Variants in STKLD1 observed in about 807,000 individuals in gnomAD.
STKLD1 encodes the protein serine/threonine kinase-like domain-containing protein STKLD1.
Under a neutral mutation model 80.4 loss-of-function variants are expected in STKLD1, and 79 were observed. The ratio of observed to expected loss-of-function variants is 0.98; its 90% confidence interval spans 0.82 to 1.19. The LOEUF (loss-of-function observed/expected upper bound fraction) is 1.19. STKLD1 is among the 50% of genes most tolerant of loss of function. The probability of loss-of-function intolerance (pLI) is 0.00; values close to 1 mark genes in which losing one functional copy is unlikely to be tolerated. For synonymous variants in STKLD1, 393 were observed against 357.6 expected, an observed-to-expected ratio of 1.10 and a Z score of -1.12; for missense variants, 841 against 856.0, an observed-to-expected ratio of 0.98 and a Z score of 0.22.
chr9:133,379,177 C>T, intron 2 of STKLD1, 55 bp downstream of exon 2: 1 of 1,463,142 alleles, frequency 6.8e-7, no homozygotes, highest in Non-Finnish European at 9.5e-7. Context: ...CTGTGATTTT[C>T]CCCAATACAA....
Position 133,405,641 on chromosome 9 carries a change from C to T in STKLD1, c.*220C>T, listed in dbSNP as rs1838839904. The stretch of plus-strand genomic sequence containing the variant: ...CTGTCCACGAAAACTGACTTGCCTG[C>T]TTCCTCCTTCCAGGAACTGGTTTCT... On this transcript the variant is annotated 3_prime_UTR_variant, in exon 18 of 18. Coordinates refer to ENST00000371957, the MANE Select transcript of STKLD1 (RefSeq NM_153710.5). 4.5e-6 allele frequency: 2 copies of T among 443,658 alleles called. No individual in the cohort carries two copies. The highest frequency in any genetic ancestry group is 7.8e-6 in the Non-Finnish European group (2 of 255,342). The allele number at this position is 443,658 out of a possible 1,614,324, so 27.5% of individuals were successfully genotyped here.
chr9:133,392,387 A>G (rs1419846737), intron 7 of STKLD1, among the ~76,000 whole-genome samples: 2 of 152,094 alleles, frequency 1.3e-5, no homozygotes, highest in Non-Finnish European at 2.9e-5. Flanking sequence ...CTTGGTAGAC[A>G]GAAGATGAAT....
In STKLD1 at chr9:133,395,672, A is replaced by G. The variant is rs782286254; in HGVS notation, c.775A>G (p.Met259Val). ...PGSLKAVLKT[M>V]EEKQIPDVET... Reference sequence around the variant, plus strand: ...CAGCCTGAAGGCCGTCCTGAAGACAATGGAGGAGAAGCAGATCCCGGATGT... The same window carrying G: ...CAGCCTGAAGGCCGTCCTGAAGACAGTGGAGGAGAAGCAGATCCCGGATGT... The change falls in exon 9 of 18, where the codon ATG (methionine) becomes GTG (valine). Residue 259 changes from methionine (M) to valine (V), a missense_variant. Met to Val is a conservative substitution (Grantham distance 21, BLOSUM62 1). Transcript: ENST00000371957. 10 of 1,613,424 alleles carry G rather than the reference A, an allele frequency of 6.2e-6. No homozygotes were observed. The highest frequency in any genetic ancestry group is 1.7e-5 in the Admixed American group (1 of 60,024).
At position 133,394,907 on chromosome 9, in the gene STKLD1, G is replaced by A. The variant is rs940636630; in HGVS notation, c.702+498G>A. ...CCTGCACCATGGCCACAGCCTGTGG[G>A]CAGGAAGGAGGGGAGGCAGAGGGCC... On this transcript the variant is annotated intron_variant, in intron 8 of 17. Transcript: ENST00000371957. This position sits in a 1 kb window ranked among gnomAD's most constrained non-coding sequence, Gnocchi z 4.9. 3.8e-5 allele frequency: 6 copies of A among 158,810 alleles called. No individual in the cohort carries two copies. The East Asian group carries it at 9.1e-4, about 24-fold the overall frequency. 9.8% of individuals were successfully genotyped at this position (158,810 alleles called of 1,614,324 possible). A position where few individuals can be genotyped will look rare whatever the true frequency, so the allele number is the denominator to read the frequency against.
Position 133,387,442 on chromosome 9 carries a change from A to G in STKLD1, c.295-5A>G. On this transcript the variant is annotated splice_region_variant and splice_polypyrimidine_tract_variant and intron_variant, in intron 4 of 17. Transcript: ENST00000371957. ...CCTTTGGCTAAGGGCCTCCTGTCCC[A>G]GCAGATCTCTTCTCTGTACCTCTGC... 2 of 1,612,998 alleles carry G rather than the reference A, an allele frequency of 1.2e-6. No homozygotes were observed. Among genetic ancestry groups the G allele is most frequent in the Non-Finnish European group, 1.7e-6 (2 of 1,179,150 alleles).
chr9:133,381,575 G>A (rs2130266625), intron 2 of STKLD1, among the ~76,000 whole-genome samples: 2 of 149,814 alleles, frequency 1.3e-5, no homozygotes, highest in Non-Finnish European at 3.0e-5. Context: ...CTCAGCCTCC[G>A]AAGTAGCTGG....
rs1554777412 is a variant in STKLD1 at position 133,400,437 on chromosome 9, T to C, written c.1106T>C (p.Val369Ala). Reference sequence around the variant, plus strand: ...GGTCTGCCGTGGCCCCCGGAGCTGGTGGAGGTGGTGGTCACGACCATGGAG... The same window carrying C: ...GGTCTGCCGTGGCCCCCGGAGCTGGCGGAGGTGGTGGTCACGACCATGGAG... ...QLGLPWPPEL[V>A]EVVVTTMELH... Residue 369 changes from valine to alanine, a missense_variant, in exon 12 of 18, where the codon GTG (valine) becomes GCG (alanine). By Grantham distance (64) the Val-to-Ala change is moderately conservative. Transcript: ENST00000371957. 1.2e-6 allele frequency: 2 copies of C among 1,612,970 alleles called. No homozygotes were observed. Among genetic ancestry groups the C allele is most frequent in the East Asian group, 2.2e-5 (1 of 44,872 alleles).
chr9:133,382,824 T>TTGATGGTTTGATGGTGG (rs1838171165), intron 2 of STKLD1, among the ~76,000 whole-genome samples: 1 of 128,686 alleles, frequency 7.8e-6, no homozygotes, highest in Non-Finnish European at 1.7e-5. Flanking sequence ...GACAGTGGCA[T>TTGATGGTTTGATGGTGG]TGATGGTTTG....
In STKLD1 at chr9:133,376,484, C is replaced by T. The variant is rs961919074; in HGVS notation, c.11C>T (p.Pro4Leu). The T allele has an allele frequency of 8.2e-6, 13 of 1,592,478 alleles. No individual in the cohort carries two copies. Among genetic ancestry groups the T allele is most frequent in the African/African-American group, 8.1e-5 (6 of 74,406 alleles). Residue 4 changes from proline (P) to leucine (L), a missense_variant, in exon 1 of 18, where the codon CCA becomes CTA. Coordinates refer to ENST00000371957, the MANE Select transcript of STKLD1 (RefSeq NM_153710.5). MLG[P>L]GSNRRRPTQG... ...CGGTCGCTACTGATCATGCTTGGGCCAGGGTCCAATCGCAGGCGCCCCACG... is the reference window on the plus strand; with the variant it reads ...CGGTCGCTACTGATCATGCTTGGGCTAGGGTCCAATCGCAGGCGCCCCACG...
At chr9:133,402,132 G>A (rs1318197962) in intron 13 of STKLD1, among the ~76,000 whole-genome samples, 3 of 152,184 alleles carry the variant, frequency 2.0e-5, no homozygotes, top group Non-Finnish European at 4.4e-5. Flanking sequence ...GCAGCTGTGG[G>A]CTTCACACCA....
At chr9:133,395,312 A>G (rs1838530979) in intron 8 of STKLD1, among the ~76,000 whole-genome samples, 1 of 152,008 alleles carries the variant, frequency 6.6e-6, no homozygotes, top group Non-Finnish European at 1.5e-5. Context: ...GCATGCTCAC[A>G]CTCTGTGAAA....
chr9:133,400,811 CAG>C (rs1211077353), intron 12 of STKLD1, among the ~76,000 whole-genome samples: 1 of 152,202 alleles, frequency 6.6e-6, no homozygotes, highest in Non-Finnish European at 1.5e-5. Flanking sequence ...TCCTGGATGG[CAG>C]AGAGGGCACA....
Position 133,405,533 on chromosome 9 carries a change from G to C in STKLD1, c.*112G>C. ...GGGCCAAAATCAATCTTAAACGGGA[G>C]GGGTAATCAGACCTCTCCAAAGAGT... On this transcript the variant is annotated 3_prime_UTR_variant, in exon 18 of 18. Transcript: ENST00000371957. The C allele has an allele frequency of 9.0e-7, 1 of 1,116,072 alleles. No individual in the cohort carries two copies. The highest frequency in any genetic ancestry group is 1.2e-6 in the Non-Finnish European group (1 of 809,550). 69.1% of individuals were successfully genotyped at this position (1,116,072 alleles called of 1,614,324 possible). A position where few individuals can be genotyped will look rare whatever the true frequency, so the allele number is the denominator to read the frequency against.
Position 133,394,734 on chromosome 9 carries a change from C to G in STKLD1, c.702+325C>G. The G allele has an allele frequency of 3.0e-6, 1 of 335,010 alleles. No individual in the cohort carries two copies. The highest frequency in any genetic ancestry group is 5.6e-6 in the Non-Finnish European group (1 of 177,472). 20.8% of individuals were successfully genotyped at this position (335,010 alleles called of 1,614,324 possible). On this transcript the variant is annotated intron_variant, in intron 8 of 17. Transcript: ENST00000371957. The surrounding 1 kb of genome is among the most constrained non-coding windows in gnomAD (Gnocchi z 4.9). The stretch of plus-strand genomic sequence containing the variant: ...TCAGGTGCCCTTGTGAGCATGAAGG[C>G]TGCACGGAGTTGCAAGCAACGGGAA...
chr9:133,395,065 C>G (rs1357827699), intron 8 of STKLD1, among the ~76,000 whole-genome samples: 1 of 152,164 alleles, frequency 6.6e-6, no homozygotes, highest in Non-Finnish European at 1.5e-5. Context: ...CAAGGAAGCT[C>G]CCCTTCTCCG....
In STKLD1 at chr9:133,404,903, T is replaced by A; in HGVS notation, c.1847T>A (p.Met616Lys). 1 of 1,613,458 alleles carries A rather than the reference T, an allele frequency of 6.2e-7. No homozygotes were observed. The highest frequency in any genetic ancestry group is 8.5e-7 in the Non-Finnish European group (1 of 1,179,842). Reference protein sequence around the residue: ...DDPEVVENVGMLLVHLASYEE... With the variant: ...DDPEVVENVGKLLVHLASYEE... ...CCGGAGGTGGTGGAGAACGTGGGCA[T>A]GCTGCTGGTCCACCTGGCTTCCTAT... The change falls in exon 17 of 18, where the codon ATG becomes AAG. Residue 616 changes from methionine (M) to lysine (K), a missense_variant. Physicochemically the swap from Met to Lys is moderately conservative, Grantham distance 95. Transcript: ENST00000371957.
intron 1 of STKLD1, among the ~76,000 whole-genome samples, chr9:133,377,402 C>T (rs2130253855): frequency 5.3e-5 from 8 of 152,238 alleles, no homozygotes; most frequent in South Asian, 2.1e-4. Flanking sequence ...CGGTGGCTCA[C>T]GCCTGTAATC....
chr9:133,380,198 G>C (rs1365806382), intron 2 of STKLD1, among the ~76,000 whole-genome samples: 2 of 152,144 alleles, frequency 1.3e-5, no homozygotes, highest in African/African-American at 4.8e-5. Flanking sequence ...GCCACGCCCG[G>C]CTAATTTTTT....
At chr9:133,382,232 G>A (rs149641664) in intron 2 of STKLD1, among the ~76,000 whole-genome samples, 60 of 152,324 alleles carry the variant, frequency 3.9e-4, no homozygotes, top group Non-Finnish European at 5.4e-4. Context: ...TTCCCAACCA[G>A]AACAAGATGT....
Sources: gnomAD v4.1 joint callset for allele counts (sites outside exome capture counted in the v4.1 genomes callset) on GRCh38, gnomAD v4.1.1 for gene constraint, Gnocchi (gnomAD v3.1) non-coding constraint, MANE v1.5 for transcripts, NCBI Gene and HGNC (gene_info 2026-07-23, HGNC 2026-07-21) for gene names.